AK4: variants seen among roughly 807,000 people sequenced by gnomAD.
AK4 encodes the protein adenylate kinase 4, mitochondrial.
Under a neutral mutation model 24.6 loss-of-function variants are expected in AK4, and 13 were observed. The observed-to-expected ratio is 0.53, with a 90% confidence interval of 0.34 to 0.84. The LOEUF (loss-of-function observed/expected upper bound fraction) is 0.84, where lower values mean the gene tolerates loss of function less well. AK4 is among the 40% of genes least tolerant of loss of function. The pLI is 0.01. For synonymous variants in AK4, 88 were observed against 107.0 expected, an observed-to-expected ratio of 0.82 and a Z score of 1.10; for missense variants, 192 against 288.2, an observed-to-expected ratio of 0.67 and a Z score of 2.42.
chr1:65,198,538 T>C (rs1651558204), intron 2 of AK4, among the ~76,000 whole-genome samples: 1 of 152,192 alleles, frequency 6.6e-6, no homozygotes, highest in Non-Finnish European at 1.5e-5. Flanking sequence ...GTCAGGGAGC[T>C]CCTGACATAG....
chr1:65,181,839 G>C (rs897794300), intron 1 of AK4, among the ~76,000 whole-genome samples: 1 of 152,186 alleles, frequency 6.6e-6, no homozygotes, highest in African/African-American at 2.4e-5. Context: ...GATGACTTCT[G>C]ATGCCCCCTC....
At chr1:65,223,481 G>A (rs1652357873) in intron 3 of AK4, among the ~76,000 whole-genome samples, 1 of 151,978 alleles carries the variant, frequency 6.6e-6, no homozygotes, top group Non-Finnish European at 1.5e-5. Flanking sequence ...GAGCCACTGC[G>A]CCCCAACCAA....
chr1:65,204,446 C>T (rs1651755554), intron 2 of AK4, among the ~76,000 whole-genome samples: 1 of 152,072 alleles, frequency 6.6e-6, no homozygotes, highest in Admixed American at 6.6e-5. Context: ...AGTGACCCAC[C>T]CGCTTTGGCC....
At chr1:65,180,765 A>C (rs566428432) in intron 1 of AK4, among the ~76,000 whole-genome samples, 1 of 152,296 alleles carries the variant, frequency 6.6e-6, no homozygotes, top group Non-Finnish European at 1.5e-5. Context: ...AAAGCTCTAC[A>C]GTTCATCTTT....
intron 1 of AK4, among the ~76,000 whole-genome samples, chr1:65,188,207 C>T (rs1332315753): frequency 2.0e-5 from 3 of 152,008 alleles, no homozygotes; most frequent in Non-Finnish European, 4.4e-5. Context: ...CCAGCCTGGC[C>T]AACATGGTGA....
At chr1:65,200,660 C>T (rs907048549) in intron 2 of AK4, among the ~76,000 whole-genome samples, 2 of 152,190 alleles carry the variant, frequency 1.3e-5, no homozygotes, top group African/African-American at 4.8e-5. Context: ...TGCATTTCTT[C>T]TGGTGCTAAG....
chr1:65,162,211 A>T (rs1395809922), intron 1 of AK4, among the ~76,000 whole-genome samples: 1 of 152,162 alleles, frequency 6.6e-6, no homozygotes, highest in African/African-American at 2.4e-5. Context: ...ACACCACCGC[A>T]CTCTAGCCTG....
At chr1:65,166,052 G>A (rs1650319561) in intron 1 of AK4, 1 of 152,218 alleles carries the variant, frequency 6.6e-6, no homozygotes, top group Non-Finnish European at 1.5e-5. Flanking sequence ...ATGCTGTAGA[G>A]AAAATATAGG....
chr1:65,202,592 C>T (rs997939590), intron 2 of AK4, among the ~76,000 whole-genome samples: 4 of 151,996 alleles, frequency 2.6e-5, no homozygotes, highest in African/African-American at 4.8e-5. Context: ...TACTTCAACT[C>T]CTAAGTTTAG....
chr1:65,174,029 CT>C (rs1211457529), intron 1 of AK4, among the ~76,000 whole-genome samples: 1 of 152,188 alleles, frequency 6.6e-6, no homozygotes, highest in East Asian at 1.9e-4. Context: ...TGCCCCTCCC[CT>C]GGCTTAGGTT....
Position 65,230,411 on chromosome 1 carries a change from T to C in AK4, c.*4234T>C, listed in dbSNP as rs1171270297. ...TTCAGTATTTGACATTAGCTTTTTG[T>C]CCAAAGAGTTGAAGCCTGCTGGAGG... On this transcript the variant is annotated 3_prime_UTR_variant, in exon 5 of 5. Coordinates refer to ENST00000327299, the MANE Select transcript of AK4 (RefSeq NM_013410.4). 2.0e-5 allele frequency: 3 copies of C among 152,226 alleles called. No homozygotes were observed. Among genetic ancestry groups the C allele is most frequent in the Admixed American group, 6.5e-5 (1 of 15,286 alleles). 9.4% of individuals were successfully genotyped at this position (152,226 alleles called of 1,614,324 possible).
intron 1 of AK4, among the ~76,000 whole-genome samples, chr1:65,148,797 G>C (rs1267422240): frequency 6.6e-6 from 1 of 152,154 alleles, no homozygotes; most frequent in East Asian, 1.9e-4. Context: ...TCCTCCTGTC[G>C]CGAGGAATAG....
At chr1:65,185,012 G>A (rs149575177) in intron 1 of AK4, among the ~76,000 whole-genome samples, 57 of 152,268 alleles carry the variant, frequency 3.7e-4, no homozygotes, top group Non-Finnish European at 6.2e-4. Flanking sequence ...GATGCCTCTG[G>A]AAGTCTTCCA....
At chr1:65,197,703 C>A (rs1455865641) in intron 2 of AK4, among the ~76,000 whole-genome samples, 1 of 152,134 alleles carries the variant, frequency 6.6e-6, no homozygotes, top group Non-Finnish European at 1.5e-5. Context: ...GGTGTATGAT[C>A]AGAAACTAAA....
chr1:65,219,499 C>T (rs1652232329), intron 3 of AK4, among the ~76,000 whole-genome samples: 2 of 152,020 alleles, frequency 1.3e-5, no homozygotes, highest in Non-Finnish European at 2.9e-5. Flanking sequence ...AATGAATGTC[C>T]ATCTGTAGTG....
In AK4 at chr1:65,229,809, G is replaced by A. The variant is rs1256296781; in HGVS notation, c.*3632G>A. On this transcript the variant is annotated 3_prime_UTR_variant, in exon 5 of 5. Transcript: ENST00000327299. ...TTACCCTTGAGCCGTCCCCAGCCAT[G>A]GTGCTCACACATAGGCTTTTGAGCT... The A allele has an allele frequency of 1.3e-5, 2 of 152,166 alleles. No homozygotes were observed. The highest frequency in any genetic ancestry group is 4.8e-5 in the African/African-American group (2 of 41,416). The allele number at this position is 152,166 out of a possible 1,614,324, so 9.4% of individuals were successfully genotyped here.
intron 2 of AK4, among the ~76,000 whole-genome samples, chr1:65,217,064 G>C (rs1225019613): frequency 6.6e-6 from 1 of 152,176 alleles, no homozygotes; most frequent in African/African-American, 2.4e-5. Context: ...GTTGTCCAGG[G>C]AAAGGCAGAA....
At chr1:65,205,091 C>A (rs1651775575) in intron 2 of AK4, among the ~76,000 whole-genome samples, 2 of 152,136 alleles carry the variant, frequency 1.3e-5, no homozygotes, top group Admixed American at 1.3e-4. Context: ...TCCCTCCTCT[C>A]CCCTCCCTGC....
chr1:65,153,457 G>A lies in AK4; in HGVS notation c.145+4905G>A, dbSNP rs1049040195. Among the ~76,000 whole-genome samples the A allele has an allele frequency of 1.1e-4, 17 of 152,150 alleles. 1 individual carries two copies. Among genetic ancestry groups the A allele is most frequent in the South Asian group, 8.3e-4 (4 of 4,806 alleles). On this transcript the variant is annotated intron_variant, in intron 1 of 4. Transcript: ENST00000327299. ...GATAATTTCGTATTTTTTTGGTAGAGTTAGGGTTTCTACGTGTTGCCCAGG... is the reference window on the plus strand; with the variant it reads ...GATAATTTCGTATTTTTTTGGTAGAATTAGGGTTTCTACGTGTTGCCCAGG...
Sources: gnomAD v4.1 joint callset for allele counts (sites outside exome capture counted in the v4.1 genomes callset) on GRCh38, gnomAD v4.1.1 for gene constraint, MANE v1.5 for transcripts, NCBI Gene and HGNC (gene_info 2026-07-23, HGNC 2026-07-21) for gene names.